Variants in CWF19L2 observed in about 807,000 individuals in gnomAD.
CWF19L2 encodes CWF19 like cell cycle control factor 2, also known as CWF19-like protein 2.
CWF19L2 carries 98 observed loss-of-function variants against 111.7 expected under a neutral mutation model. That is an observed-to-expected ratio of 0.88 (90% CI 0.75 to 1.04). The LOEUF (loss-of-function observed/expected upper bound fraction) is 1.04. Among genes scored for constraint, CWF19L2 ranks in the 50% least tolerant of loss-of-function variants. The pLI is 0.00. For missense variants in CWF19L2, 1,101 were observed against 1,051.4 expected (o/e 1.05, Z -0.65); for synonymous variants, 351 against 342.9 (o/e 1.02, Z -0.26).
intron 10 of CWF19L2, among the ~76,000 whole-genome samples, chr11:107,411,854 C>T (rs76172657): frequency 0.013 from 1,956 of 151,784 alleles, 34 homozygotes; most frequent in African/African-American, 0.044. Context: ...TTCATTAGGC[C>T]TAATATTTAA....
intron 10 of CWF19L2, among the ~76,000 whole-genome samples, chr11:107,405,456 G>A (rs753118647): frequency 6.6e-6 from 1 of 152,062 alleles, no homozygotes; most frequent in East Asian, 1.9e-4. Context: ...TATTACACAA[G>A]ATCCATGTTG....
intron 16 of CWF19L2, 38 bp from the exon 17 acceptor site, chr11:107,330,057 G>A (rs1488500798): frequency 7.6e-7 from 1 of 1,309,838 alleles, no homozygotes; most frequent in Non-Finnish European, 1.0e-6. Context: ...AATACAGTAT[G>A]AAACCAGAAA....
rs781062028 is a variant in CWF19L2 at position 107,433,718 on chromosome 11, C to G, written c.696G>C (p.Trp232Cys). 1 of 1,584,074 alleles carries G rather than the reference C, an allele frequency of 6.3e-7. No individual in the cohort carries two copies. Among genetic ancestry groups the G allele is most frequent in the South Asian group, 1.2e-5 (1 of 86,924 alleles). Residue 232 changes from tryptophan to cysteine, a missense_variant, in exon 7 of 18, where the codon TGG becomes TGC. Transcript: ENST00000282251. ...TCATTCTTAGATAAGATTTCCTTAG[C>G]CAGCTTAATCCACCATCTTCTACCA... ...VSVVEDGGLSWLRKSYLRMKE... is the reference protein window; with the variant it reads ...VSVVEDGGLSCLRKSYLRMKE...
In CWF19L2 at chr11:107,343,552, T is replaced by C. The variant is rs148804065; in HGVS notation, c.2202+5385A>G. Among the ~76,000 whole-genome samples, 672 of 152,278 alleles carry C rather than the reference T, an allele frequency of 4.4e-3. 4 individuals are homozygous for C. Among genetic ancestry groups the C allele is most frequent in the African/African-American group, 0.015 (619 of 41,564 alleles). On this transcript the variant is annotated intron_variant, in intron 14 of 17. Coordinates refer to ENST00000282251, the MANE Select transcript of CWF19L2 (RefSeq NM_152434.3). ...TTATGAAATCTCCTCTACCAAACTA[T>C]CTTTTAACTGATATACTGTTTATTG... is the stretch of plus-strand genomic sequence containing the variant.
chr11:107,414,349 C>T (rs1861196960), intron 10 of CWF19L2, among the ~76,000 whole-genome samples: 1 of 152,112 alleles, frequency 6.6e-6, no homozygotes, highest in Non-Finnish European at 1.5e-5. Flanking sequence ...CACACCACCA[C>T]ACCCAGCTAG....
intron 13 of CWF19L2, among the ~76,000 whole-genome samples, chr11:107,353,255 T>G (rs374687431): frequency 1.4e-4 from 22 of 152,302 alleles, no homozygotes; most frequent in East Asian, 1.3e-3. Context: ...AGATATTAGG[T>G]ATACAAAAAT....
chr11:107,413,051 C>T (rs186129154), intron 10 of CWF19L2, among the ~76,000 whole-genome samples: 9 of 152,296 alleles, frequency 5.9e-5, no homozygotes, highest in African/African-American at 1.7e-4. Flanking sequence ...ATGGTGGATA[C>T]ATGTCATTAC....
At chr11:107,420,245 T>C (rs997328010) in intron 8 of CWF19L2, among the ~76,000 whole-genome samples, 1 of 152,018 alleles carries the variant, frequency 6.6e-6, no homozygotes, top group African/African-American at 2.4e-5. Context: ...ATCAGATGGA[T>C]ATAAAAGCAA....
intron 12 of CWF19L2, among the ~76,000 whole-genome samples, chr11:107,375,159 C>T (rs1230371149): frequency 1.7e-4 from 23 of 135,224 alleles, no homozygotes; most frequent in Admixed American, 1.1e-3. Context: ...TAGACTCCCA[C>T]ACATTAATAA....
chr11:107,400,758 G>C (rs1860988086), intron 10 of CWF19L2, among the ~76,000 whole-genome samples: 1 of 151,920 alleles, frequency 6.6e-6, no homozygotes, highest in African/African-American at 2.4e-5. Context: ...AAAGGACATA[G>C]CCAAAAAAGA....
intron 17 of CWF19L2, among the ~76,000 whole-genome samples, chr11:107,327,969 C>T (rs1431295197): frequency 6.6e-6 from 1 of 152,014 alleles, no homozygotes; most frequent in African/African-American, 2.4e-5. Flanking sequence ...TATGCAGAAG[C>T]AAATGCCGTA....
intron 14 of CWF19L2, among the ~76,000 whole-genome samples, chr11:107,339,680 T>C (rs1357728255): frequency 6.7e-6 from 1 of 149,570 alleles, no homozygotes; most frequent in Non-Finnish European, 1.5e-5. Flanking sequence ...TTTTTTTTTT[T>C]TTTGAGATGG....
intron 10 of CWF19L2, among the ~76,000 whole-genome samples, chr11:107,415,722 T>C (rs1861215511): frequency 6.6e-6 from 1 of 152,166 alleles, no homozygotes; most frequent in Admixed American, 6.6e-5. Context: ...TAAGAGAATA[T>C]ATAGAAAACT....
intron 10 of CWF19L2, among the ~76,000 whole-genome samples, chr11:107,401,302 T>A (rs1265879911): frequency 6.6e-6 from 1 of 152,052 alleles, no homozygotes; most frequent in Non-Finnish European, 1.5e-5. Flanking sequence ...GATATGATTG[T>A]TTACCTTGAA....
chr11:107,382,675 A>T (rs1860706058), intron 12 of CWF19L2, among the ~76,000 whole-genome samples: 1 of 152,212 alleles, frequency 6.6e-6, no homozygotes, highest in Non-Finnish European at 1.5e-5. Context: ...GTGTTATGAT[A>T]TGCGTTGGTT....
At chr11:107,385,014 T>C (rs1345714249) in intron 12 of CWF19L2, among the ~76,000 whole-genome samples, 1 of 152,212 alleles carries the variant, frequency 6.6e-6, no homozygotes, top group Non-Finnish European at 1.5e-5. Flanking sequence ...ACTTAGCTAC[T>C]TTAGTTCATA....
intron 6 of CWF19L2, among the ~76,000 whole-genome samples, chr11:107,435,378 T>C (rs1233706499): frequency 6.6e-6 from 1 of 152,130 alleles, no homozygotes; most frequent in East Asian, 1.9e-4. Flanking sequence ...CAGTAATAAA[T>C]ACCTATATGA....
rs142616863 is a variant in CWF19L2 at position 107,429,285 on chromosome 11, T to A, written c.947A>T (p.Asp316Val). The change falls in exon 8 of 18, where the codon GAT becomes GTT. Residue 316 changes from aspartate (D) to valine (V), a missense_variant. Physicochemically the swap from Asp to Val is radical, Grantham distance 152. Coordinates refer to ENST00000282251, the MANE Select transcript of CWF19L2 (RefSeq NM_152434.3). ...DLVKYGNSSRDRYATTDTAKN... is the reference protein window; with the variant it reads ...DLVKYGNSSRVRYATTDTAKN... ...TGCAGTATCTGTTGTAGCATATCTA[T>A]CCCTTGAACTGTTACCATATTTTAC... 1.5e-5 allele frequency: 24 copies of A among 1,612,944 alleles called. No individual in the cohort carries two copies. In the African/African-American group the frequency reaches 2.8e-4, roughly 19 times the overall value.
chr11:107,389,807 G>A (rs751986507), intron 12 of CWF19L2, among the ~76,000 whole-genome samples: 2 of 152,018 alleles, frequency 1.3e-5, no homozygotes, highest in Non-Finnish European at 2.9e-5. Context: ...TCTCTTAAAT[G>A]GTAGAGGAAA....
Sources: allele counts gnomAD v4.1 joint callset (sites outside exome capture counted in the v4.1 genomes callset), GRCh38; gene constraint gnomAD v4.1.1; transcripts MANE v1.5; gene names NCBI Gene and HGNC (gene_info 2026-07-23, HGNC 2026-07-21).